GRSF1: variants seen among roughly 807,000 people sequenced by gnomAD.
GRSF1 encodes the protein G-rich sequence factor 1.
A neutral mutation model predicts 51.1 loss-of-function variants in GRSF1; 50 were observed. That is an observed-to-expected ratio of 0.98 (90% confidence interval 0.78 to 1.24). The LOEUF is 1.24. Ranked by LOEUF, GRSF1 falls within the 50% of genes most tolerant of loss-of-function variation. The pLI is 0.00. For synonymous variants in GRSF1, 293 were observed against 253.3 expected (o/e 1.16, Z -1.49); for missense variants, 700 against 639.7 (o/e 1.09, Z -1.02).
intron 2 of GRSF1, 74 bp downstream of exon 2, chr4:70,836,084 A>G: frequency 1.1e-6 from 1 of 876,488 alleles, no homozygotes; most frequent in South Asian, 2.5e-5. Context: ...TTACATACTT[A>G]AAACATACAT....
chr4:70,817,159 CTCT>C lies in GRSF1; in HGVS notation c.*3725_*3727del, dbSNP rs545638644. The C allele has an allele frequency of 5.6e-4, 85 of 152,100 alleles. No homozygotes were observed. Among genetic ancestry groups the C allele is most frequent in the African/African-American group, 1.9e-3 (80 of 41,490 alleles). 9.4% of individuals were successfully genotyped at this position (152,100 alleles called of 1,614,324 possible). A position where few individuals can be genotyped will look rare whatever the true frequency, so the allele number is the denominator to read the frequency against. On this transcript the variant is annotated 3_prime_UTR_variant, in exon 10 of 10. Coordinates refer to ENST00000254799, the MANE Select transcript of GRSF1 (RefSeq NM_002092.4). Reference sequence around the variant, plus strand: ...GGAGAATCTTCACTACCGTTTGTATCTCTTCAAGTTTATTTCCTTCAAAAAATA... The same window carrying C: ...GGAGAATCTTCACTACCGTTTGTATCTCAAGTTTATTTCCTTCAAAAAATA...
At chr4:70,831,461 T>C (rs1226043678) in intron 5 of GRSF1, 78 bp downstream of exon 5, 8 of 1,279,584 alleles carry the variant, frequency 6.3e-6, no homozygotes, top group African/African-American at 3.0e-5. Context: ...TGGATAACTT[T>C]TCAGTCATAT....
chr4:70,826,516 C>A (rs1375092031), intron 6 of GRSF1, among the ~76,000 whole-genome samples: 2 of 150,244 alleles, frequency 1.3e-5, no homozygotes, highest in East Asian at 1.9e-4. Flanking sequence ...CTAAAAGAGA[C>A]TTTCTAGATT....
Position 70,815,946 on chromosome 4 carries a change from A to C in GRSF1, c.*4941T>G, listed in dbSNP as rs992449767. On this transcript the variant is annotated 3_prime_UTR_variant, in exon 10 of 10. Coordinates refer to ENST00000254799, the MANE Select transcript of GRSF1 (RefSeq NM_002092.4). Reference sequence around the variant, plus strand: ...GGAACAAAGCTTAAACACACTGATGAACATACAAACATGCTGAGTAAAAGG... The same window carrying C: ...GGAACAAAGCTTAAACACACTGATGCACATACAAACATGCTGAGTAAAAGG... The C allele has an allele frequency of 6.6e-6, 1 of 152,218 alleles. No individual in the cohort carries two copies. The highest frequency in any genetic ancestry group is 2.4e-5 in the African/African-American group (1 of 41,450). 9.4% of individuals were successfully genotyped at this position (152,218 alleles called of 1,614,324 possible).
chr4:70,829,083 T>C (rs1733855936), intron 5 of GRSF1, among the ~76,000 whole-genome samples: 1 of 151,830 alleles, frequency 6.6e-6, no homozygotes, highest in African/African-American at 2.4e-5. Flanking sequence ...TAGACATGGG[T>C]TCTTGCCATG....
intron 7 of GRSF1, chr4:70,825,653 C>T (rs1361728701): frequency 1.1e-5 from 4 of 361,616 alleles, no homozygotes; most frequent in South Asian, 7.9e-5. Flanking sequence ...CTGCTCTCAG[C>T]GAGCATGGTG....
At chr4:70,828,547 A>G (rs199605063) in intron 5 of GRSF1, among the ~76,000 whole-genome samples, 5 of 108,804 alleles carry the variant, frequency 4.6e-5, no homozygotes, top group Non-Finnish European at 6.2e-5. Flanking sequence ...GGAGGGGACT[A>G]TCTATTAAAC....
chr4:70,823,860 A>G (rs534880131), intron 9 of GRSF1, among the ~76,000 whole-genome samples: 1 of 152,162 alleles, frequency 6.6e-6, no homozygotes, highest in East Asian at 1.9e-4. Flanking sequence ...AGCAAGACCT[A>G]GTCCCTAAAA....
intron 5 of GRSF1, among the ~76,000 whole-genome samples, chr4:70,828,895 G>A (rs1366845400): frequency 6.6e-6 from 1 of 151,912 alleles, no homozygotes; most frequent in East Asian, 1.9e-4. Flanking sequence ...CCGCCACCAC[G>A]CCCAGCTGAT....
intron 2 of GRSF1, among the ~76,000 whole-genome samples, chr4:70,834,413 A>G (rs1734111537): frequency 6.6e-6 from 1 of 152,092 alleles, no homozygotes; most frequent in South Asian, 2.1e-4. Context: ...ATAAAGAGTC[A>G]CCCTTAATTC....
At chr4:70,827,514 T>G (rs1733784154) in intron 6 of GRSF1, among the ~76,000 whole-genome samples, 3 of 151,976 alleles carry the variant, frequency 2.0e-5, no homozygotes, top group African/African-American at 7.3e-5. Context: ...GCCGGGTGTG[T>G]TGGCTCACAC....
rs1733971683 is a variant in GRSF1, at chr4:70,831,656, A to G, written c.833T>C (p.Ile278Thr). The G allele has an allele frequency of 6.2e-7, 1 of 1,613,400 alleles. No individual in the cohort carries two copies. Among genetic ancestry groups the G allele is most frequent in the Admixed American group, 1.7e-5 (1 of 59,972 alleles). Reference sequence around the variant, plus strand: ...CCCTCTATAGTCCATCACAAAAGTAATGTCAACTATATTCAGTCCTAGGAC... The same window carrying G: ...CCCTCTATAGTCCATCACAAAAGTAGTGTCAACTATATTCAGTCCTAGGAC... ...DFFAGLNIVD[I>T]TFVMDYRGRR... The change falls in exon 5 of 10, where the codon ATT (isoleucine) becomes ACT (threonine). Residue 278 changes from isoleucine (I) to threonine (T), a missense_variant. Coordinates refer to ENST00000254799, the MANE Select transcript of GRSF1 (RefSeq NM_002092.4).
chr4:70,837,969 CG>C (rs990032949), intron 1 of GRSF1, among the ~76,000 whole-genome samples: 8 of 151,844 alleles, frequency 5.3e-5, no homozygotes, highest in African/African-American at 1.7e-4. Flanking sequence ...CGGTGGCTCA[CG>C]CCTGTAATCC....
chr4:70,841,790 G>A (rs1734465170), upstream of GRSF1, among the ~76,000 whole-genome samples: 1 of 152,182 alleles, frequency 6.6e-6, no homozygotes, highest in Non-Finnish European at 1.5e-5. Context: ...TTGGCTCTAT[G>A]AACCTGGAGT....
intron 5 of GRSF1, among the ~76,000 whole-genome samples, chr4:70,829,482 C>G (rs999439026): frequency 6.6e-6 from 1 of 151,884 alleles, no homozygotes; most frequent in Non-Finnish European, 1.5e-5. Context: ...ATGCAAAACC[C>G]CGTCTCTACA....
chr4:70,832,506 C>A, intron 3 of GRSF1, 56 bp from the exon 4 acceptor site: 1 of 1,066,266 alleles, frequency 9.4e-7, no homozygotes, highest in Non-Finnish European at 1.4e-6. Context: ...GGAACAAACC[C>A]ATTAAAAAAA....
In GRSF1 at chr4:70,819,222, G is replaced by A. The variant is rs1400566037; in HGVS notation, c.*1665C>T. On this transcript the variant is annotated 3_prime_UTR_variant, in exon 10 of 10. Coordinates refer to ENST00000254799, the MANE Select transcript of GRSF1 (RefSeq NM_002092.4). ...ATTGCAGATGAATTCCTCACAGTAG[G>A]CCCCACAGATCTTTTCCACAGCAAA... The A allele has an allele frequency of 1.3e-5, 2 of 152,058 alleles. No homozygotes were observed. Among genetic ancestry groups the A allele is most frequent in the African/African-American group, 4.8e-5 (2 of 41,394 alleles). The allele number at this position is 152,058 out of a possible 1,614,324, so 9.4% of individuals were successfully genotyped here.
In GRSF1 at chr4:70,839,619, G is replaced by A. The variant is rs767833083; in HGVS notation, c.209C>T (p.Pro70Leu). Residue 70 changes from proline (P) to leucine (L), a missense_variant, in exon 1 of 10, where the codon CCT becomes CTT. By Grantham distance (98) the Pro-to-Leu change is moderately conservative. Coordinates refer to ENST00000254799, the MANE Select transcript of GRSF1 (RefSeq NM_002092.4). ...ASQTRGLQTGPVPPGRLAGPP... is the reference protein window; with the variant it reads ...ASQTRGLQTGLVPPGRLAGPP... ...CCCCGCCAGCCTCCCGGGAGGCACAGGCCCGGTCTGGAGGCCACGCGTCTG... is the reference window on the plus strand; with the variant it reads ...CCCCGCCAGCCTCCCGGGAGGCACAAGCCCGGTCTGGAGGCCACGCGTCTG... 4.1e-4 allele frequency: 578 copies of A among 1,407,310 alleles called. 1 individual carries two copies. The highest frequency in any genetic ancestry group is 5.0e-4 in the Non-Finnish European group (550 of 1,090,288). 87.2% of individuals were successfully genotyped at this position (1,407,310 alleles called of 1,614,324 possible).
chr4:70,839,745 G>A lies in GRSF1; in HGVS notation c.83C>T (p.Ala28Val). The part of the protein sequence containing the change: ...NCSSCRRTGA[A>V]CLPFYSAAGS... Reference sequence around the variant, plus strand: ...AGCGGCGGAGTAGAAGGGCAGGCAGGCGGCGCCGGTGCGCCGGCAGCTGCT... The same window carrying A: ...AGCGGCGGAGTAGAAGGGCAGGCAGACGGCGCCGGTGCGCCGGCAGCTGCT... Residue 28 changes from alanine to valine, a missense_variant, in exon 1 of 10, where the codon GCC (alanine) becomes GTC (valine). Coordinates refer to ENST00000254799, the MANE Select transcript of GRSF1 (RefSeq NM_002092.4). 6.7e-7 allele frequency: 1 copy of A among 1,503,532 alleles called. No individual in the cohort carries two copies. The highest frequency in any genetic ancestry group is 8.8e-7 in the Non-Finnish European group (1 of 1,133,694). 93.1% of individuals were successfully genotyped at this position (1,503,532 alleles called of 1,614,324 possible).
Sources: gnomAD v4.1 joint callset for allele counts (sites outside exome capture counted in the v4.1 genomes callset) on GRCh38, gnomAD v4.1.1 for gene constraint, MANE v1.5 for transcripts, NCBI Gene and HGNC (gene_info 2026-07-23, HGNC 2026-07-21) for gene names.